The following RAI1 variants were observed in gnomAD, a reference collection of about 807,000 sequenced individuals.
RAI1 encodes retinoic acid induced 1.
A neutral mutation model predicts 123.8 loss-of-function variants in RAI1; 9 were observed. The ratio of observed to expected loss-of-function variants is 0.07; its 90% CI spans 0.04 to 0.13. The LOEUF is 0.13. Among genes scored for constraint, RAI1 ranks in the 10% least tolerant of loss-of-function variants. The pLI is 1.00. For missense variants in RAI1, 2,256 were observed against 2,545.8 expected (o/e 0.89, Z 2.45); for synonymous variants, 1,231 against 1,127.3 (o/e 1.09, Z -1.84).
At chr17:17,724,204 G>A (rs1567850493) in intron 2 of RAI1, 45 bp downstream of exon 2, 1 of 151,274 alleles carries the variant, frequency 6.6e-6, no homozygotes, top group African/African-American at 2.4e-5. Flanking sequence ...GGCTGCTGTG[G>A]GCGCCAGGGC....
intron 1 of RAI1, among the ~76,000 whole-genome samples, chr17:17,704,031 G>T (rs967003314): frequency 1.3e-5 from 2 of 152,196 alleles, no homozygotes; most frequent in Non-Finnish European, 2.9e-5. Context: ...GGCTCCTCGG[G>T]GGGTGGCCCA....
In RAI1 at chr17:17,810,206, C is replaced by G. The variant is rs2032705822; in HGVS notation, c.*225C>G. 3.1e-6 allele frequency: 2 copies of G among 642,134 alleles called. No homozygotes were observed. The highest frequency in any genetic ancestry group is 1.9e-5 in the African/African-American group (1 of 52,124). The allele number at this position is 642,134 out of a possible 1,614,324, so 39.8% of individuals were successfully genotyped here. A position where few individuals can be genotyped will look rare whatever the true frequency, so the allele number is the denominator to read the frequency against. ...GTTCCGGAGCCGCCTGCTCCCGGAA[C>G]CGGACGGCACAGGGCGTTCTTGCCC... On this transcript the variant is annotated 3_prime_UTR_variant, in exon 6 of 6. Transcript: ENST00000353383. The surrounding 1 kb of genome is among the most constrained non-coding windows in gnomAD (Gnocchi z 4.6).
Position 17,793,802 on chromosome 17 carries a change from AGC to A in RAI1, c.855_856del (p.Gln286AlafsTer102). 1 of 1,610,826 alleles carries A rather than the reference AGC, an allele frequency of 6.2e-7. No homozygotes were observed. Among genetic ancestry groups the A allele is most frequent in the African/African-American group, 1.3e-5 (1 of 74,968 alleles). ...GACCAGCAGCAGCAGCAGCAGCAGCAGCAGCAGCAGCAGCAGCAAGCCCTTCA... is the reference window on the plus strand; with the variant it reads ...GACCAGCAGCAGCAGCAGCAGCAGCAAGCAGCAGCAGCAGCAAGCCCTTCA... On this transcript the variant is annotated frameshift_variant, in exon 3 of 6. Transcript: ENST00000353383. LOFTEE classifies it high-confidence loss of function.
intron 1 of RAI1, among the ~76,000 whole-genome samples, chr17:17,711,962 T>C (rs1188692789): frequency 6.6e-6 from 1 of 152,202 alleles, no homozygotes; most frequent in Admixed American, 6.5e-5. Flanking sequence ...GATGACCAGA[T>C]ATGTGTTTTC....
Position 17,798,068 on chromosome 17 carries a change from A to T in RAI1, c.5120A>T (p.Tyr1707Phe). 11 of 1,613,856 alleles carry T rather than the reference A, an allele frequency of 6.8e-6. No homozygotes were observed. The highest frequency in any genetic ancestry group is 9.3e-6 in the Non-Finnish European group (11 of 1,179,990). ...KDLGDLCGPY[Y>F]PEHCLPKKKP... ...CTTGGGGACCTCTGTGGGCCCTACT[A>T]CCCTGAACACTGCCTCCCCAAAAAG... Residue 1707 changes from tyrosine to phenylalanine, a missense_variant, in exon 3 of 6, where the codon TAC (tyrosine) becomes TTC (phenylalanine). Physicochemically the swap from Tyr to Phe is conservative, Grantham distance 22. Transcript: ENST00000353383.
chr17:17,804,832 G>C (rs1281560283), intron 4 of RAI1, among the ~76,000 whole-genome samples: 1 of 148,490 alleles, frequency 6.7e-6, no homozygotes, highest in African/African-American at 2.6e-5. Flanking sequence ...TCCTAGTAGT[G>C]TTTTTATTTT....
At chr17:17,804,110 T>C (rs563236977) in intron 4 of RAI1, 20 of 542,324 alleles carry the variant, frequency 3.7e-5, no homozygotes, top group African/African-American at 2.8e-4. Context: ...TAAATTACAA[T>C]GTGGAATGCT....
At chr17:17,782,673 G>A (rs1299226913) in intron 2 of RAI1, among the ~76,000 whole-genome samples, 3 of 144,780 alleles carry the variant, frequency 2.1e-5, no homozygotes, top group Non-Finnish European at 4.6e-5. Context: ...TAGAAGAAGG[G>A]ATAGGGAGGG....
intron 2 of RAI1, chr17:17,759,471 C>G (rs2030591808): frequency 6.6e-6 from 1 of 152,114 alleles, no homozygotes; most frequent in Non-Finnish European, 1.5e-5. Context: ...GCAGTCTCAC[C>G]CCACCACCCC....
chr17:17,748,869 G>C (rs2030033856), intron 2 of RAI1, among the ~76,000 whole-genome samples: 1 of 152,082 alleles, frequency 6.6e-6, no homozygotes. Flanking sequence ...ATCACTGGGG[G>C]CTTCAGCCCC....
chr17:17,722,111 G>A (rs1915899545), intron 1 of RAI1, among the ~76,000 whole-genome samples: 1 of 152,152 alleles, frequency 6.6e-6, no homozygotes, highest in Non-Finnish European at 1.5e-5. Context: ...GGTGGAGGCC[G>A]AGGAGAATGA....
chr17:17,721,246 G>A (rs1368592285), intron 1 of RAI1, among the ~76,000 whole-genome samples: 3 of 152,146 alleles, frequency 2.0e-5, no homozygotes, highest in African/African-American at 7.2e-5. Context: ...GCTTATGGGA[G>A]GAGGGCTTGG....
intron 1 of RAI1, among the ~76,000 whole-genome samples, chr17:17,698,353 A>G (rs890562626): frequency 1.3e-5 from 2 of 152,186 alleles, no homozygotes; most frequent in African/African-American, 4.8e-5. Context: ...GCAAGGAATG[A>G]TGGGAAAATC....
In RAI1 at chr17:17,745,842, C is replaced by T. The variant is rs111869192; in HGVS notation, c.-17+21683C>T. 1.8e-3 allele frequency among the ~76,000 whole-genome samples: 273 copies of T among 152,216 alleles called. 2 individuals are homozygous for T. The highest frequency in any genetic ancestry group is 6.1e-3 in the African/African-American group (253 of 41,530). The stretch of plus-strand genomic sequence containing the variant: ...CAGGCCAGGCAGGGACGGTGGCCAG[C>T]GGGTGGAGGAAGCCGTGAGGATGTG... On this transcript the variant is annotated intron_variant, in intron 2 of 5. Transcript: ENST00000353383.
chr17:17,730,200 T>G (rs1448160419), intron 2 of RAI1, among the ~76,000 whole-genome samples: 1 of 152,234 alleles, frequency 6.6e-6, no homozygotes, highest in Non-Finnish European at 1.5e-5. Flanking sequence ...GGTATCTGCC[T>G]TCCTCCTAAA....
chr17:17,742,168 C>G (rs530295712), intron 2 of RAI1, among the ~76,000 whole-genome samples: 5 of 152,280 alleles, frequency 3.3e-5, no homozygotes, highest in Admixed American at 6.5e-5. Flanking sequence ...AGTCAAGGGG[C>G]AGGGACGTCA....
chr17:17,730,250 G>A (rs961108837), intron 2 of RAI1, among the ~76,000 whole-genome samples: 2 of 152,320 alleles, frequency 1.3e-5, no homozygotes, highest in South Asian at 2.1e-4. Context: ...AAATGCTTCC[G>A]TTAGTCACTG....
intron 2 of RAI1, chr17:17,777,297 A>G (rs2031381073): frequency 6.6e-6 from 1 of 152,154 alleles, no homozygotes; most frequent in East Asian, 1.9e-4. Context: ...CCATGCCCTC[A>G]CCAGCTAGGC....
chr17:17,702,862 G>A (rs939930606), intron 1 of RAI1, among the ~76,000 whole-genome samples: 1 of 152,210 alleles, frequency 6.6e-6, no homozygotes, highest in Non-Finnish European at 1.5e-5. Context: ...CTCCGAGGTG[G>A]CAAAATTAAG....
Sources: allele counts gnomAD v4.1 joint callset (sites outside exome capture counted in the v4.1 genomes callset), GRCh38; gene constraint gnomAD v4.1.1; non-coding constraint Gnocchi (gnomAD v3.1); transcripts MANE v1.5; gene names NCBI Gene and HGNC (gene_info 2026-07-23, HGNC 2026-07-21).